BRD4: variants seen among roughly 807,000 people sequenced by gnomAD.
BRD4 encodes the protein bromodomain-containing protein 4.
In BRD4, 16 loss-of-function variants were observed where a neutral mutation model predicts 142.1. That is an observed-to-expected ratio of 0.11 (90% CI 0.08 to 0.17). BRD4 has a LOEUF of 0.17. BRD4 is among the 10% of genes least tolerant of loss of function. BRD4 has a pLI of 1.00. For synonymous variants in BRD4, 833 were observed against 707.5 expected, an observed-to-expected ratio of 1.18 and a Z score of -2.82; for missense variants, 1,424 against 1,810.9, an observed-to-expected ratio of 0.79 and a Z score of 3.88.
At chr19:15,247,708 C>T in intron 11 of BRD4, 1 of 233,144 alleles carries the variant, frequency 4.3e-6, no homozygotes, top group Non-Finnish European at 8.5e-6. Context: ...CATGAAGGCT[C>T]TCCTGCCTGC....
chr19:15,264,038 A>G, intron 6 of BRD4: 1 of 255,038 alleles, frequency 3.9e-6, no homozygotes, highest in African/African-American at 2.2e-5. Flanking sequence ...GGAGACAGCA[A>G]GGCCTTCTCC....
intron 6 of BRD4, 134 bp downstream of exon 6, chr19:15,264,270 A>G (rs2145598047): frequency 2.4e-6 from 3 of 1,266,478 alleles, no homozygotes; most frequent in Non-Finnish European, 2.2e-6. Flanking sequence ...AGTTTCTTCG[A>G]GTTGGCGGGA....
chr19:15,327,542 T>C (rs1032986673), intron 1 of BRD4, among the ~76,000 whole-genome samples: 5 of 151,828 alleles, frequency 3.3e-5, no homozygotes, highest in East Asian at 1.9e-4. Context: ...AGACTCCGTC[T>C]CGAAAAAGAA....
chr19:15,251,955 G>GA (rs1025509178), intron 11 of BRD4, among the ~76,000 whole-genome samples: 7 of 152,106 alleles, frequency 4.6e-5, no homozygotes, highest in Non-Finnish European at 7.4e-5. Context: ...CAGAGCCTGG[G>GA]AGCCTGGGAG....
chr19:15,301,798 T>C (rs779695225), intron 1 of BRD4, among the ~76,000 whole-genome samples: 1 of 148,284 alleles, frequency 6.7e-6, no homozygotes, highest in Non-Finnish European at 1.5e-5. Context: ...GAGGCAGAGG[T>C]TGCAGTAAGC....
chr19:15,244,620 C>G lies in BRD4; in HGVS notation c.2212-20G>C, dbSNP rs374889135. 11 of 1,613,460 alleles carry G rather than the reference C, an allele frequency of 6.8e-6. No homozygotes were observed. In the African/African-American group the frequency reaches 1.2e-4, roughly 18 times the overall value. On this transcript the variant is annotated intron_variant, in intron 12 of 19. Transcript: ENST00000679869. Reference sequence around the variant, plus strand: ...ATGGTGCTGCAGACAGAGAGACAGACAGACAGACAGGCTGATGTCAGGCAG... The same window carrying G: ...ATGGTGCTGCAGACAGAGAGACAGAGAGACAGACAGGCTGATGTCAGGCAG...
rs1239228198 is a variant in BRD4, at chr19:15,238,582, C to T, written c.4021-137G>A. 2 of 1,515,092 alleles carry T rather than the reference C, an allele frequency of 1.3e-6. No individual in the cohort carries two copies. Among genetic ancestry groups the T allele is most frequent in the South Asian group, 2.6e-5 (2 of 76,116 alleles). 93.9% of individuals were successfully genotyped at this position (1,515,092 alleles called of 1,614,324 possible). On this transcript the variant is annotated intron_variant, in intron 19 of 19. Transcript: ENST00000679869. This position sits in a 1 kb window ranked among gnomAD's most constrained non-coding sequence, Gnocchi z 7.2. ...CCTCATAGCGCTCACCCCGTCCACA[C>T]AGCACTCAGGGCCCTACAGCTGAGT...
intron 1 of BRD4, among the ~76,000 whole-genome samples, chr19:15,326,153 TA>T (rs755812111): frequency 0.041 from 4,101 of 100,904 alleles, 150 homozygotes; most frequent in African/African-American, 0.12. Context: ...AATGTAGCAT[TA>T]AAAAAAAAAA....
chr19:15,293,449 C>G (rs987593633), intron 1 of BRD4, among the ~76,000 whole-genome samples: 2 of 152,072 alleles, frequency 1.3e-5, no homozygotes, highest in Non-Finnish European at 2.9e-5. Flanking sequence ...GCTGGCAACT[C>G]GATAGCAGGA....
chr19:15,304,540 G>A (rs1425042268), intron 1 of BRD4, among the ~76,000 whole-genome samples: 1 of 152,230 alleles, frequency 6.6e-6, no homozygotes, highest in Non-Finnish European at 1.5e-5. Context: ...GCCAGGGGAT[G>A]TGCTGAGCAG....
chr19:15,255,639 A>G, intron 9 of BRD4, 47 bp from the exon 10 acceptor site: 1 of 1,547,620 alleles, frequency 6.5e-7, no homozygotes. Flanking sequence ...CCCCCTGAGG[A>G]AGCCAGGCAC....
intron 1 of BRD4, among the ~76,000 whole-genome samples, chr19:15,277,138 C>G (rs538426108): frequency 1.2e-3 from 186 of 152,286 alleles, no homozygotes; most frequent in Middle Eastern, 0.01. Context: ...AAGCAGGAGC[C>G]ACCATTCACC....
chr19:15,243,581 G>A, intron 13 of BRD4, 94 bp from the exon 14 acceptor site: 1 of 1,420,524 alleles, frequency 7.0e-7, no homozygotes, highest in Non-Finnish European at 9.2e-7. Context: ...GGACTCCAGT[G>A]CTCTCCTACT....
chr19:15,315,055 C>G (rs1436209229), intron 1 of BRD4, among the ~76,000 whole-genome samples: 2 of 152,048 alleles, frequency 1.3e-5, no homozygotes, highest in Non-Finnish European at 2.9e-5. Context: ...ATGCTGTAGT[C>G]ATCTATTCTA....
At chr19:15,304,005 GGATGAAA>G (rs1190211489) in intron 1 of BRD4, among the ~76,000 whole-genome samples, 1 of 152,160 alleles carries the variant, frequency 6.6e-6, no homozygotes, top group African/African-American at 2.4e-5. Context: ...CACCAAGGTA[GGATGAAA>G]GAGCTCAGGG....
chr19:15,240,190 G>A (rs377468872), intron 14 of BRD4, among the ~76,000 whole-genome samples, 168 bp from the exon 15 acceptor site: 28 of 152,228 alleles, frequency 1.8e-4, no homozygotes, highest in African/African-American at 6.8e-4. Context: ...ACCCACACAA[G>A]TGACTGGGCC....
chr19:15,291,124 G>A (rs2047779120), intron 1 of BRD4, among the ~76,000 whole-genome samples: 1 of 152,112 alleles, frequency 6.6e-6, no homozygotes, highest in Non-Finnish European at 1.5e-5. Flanking sequence ...TGTGTCTACT[G>A]GGCCTGCTCC....
chr19:15,278,943 G>T (rs762397002), intron 1 of BRD4, among the ~76,000 whole-genome samples: 16 of 152,126 alleles, frequency 1.1e-4, no homozygotes, highest in Admixed American at 2.6e-4. Context: ...CCAGGTTCCA[G>T]CAATTCTCCG....
chr19:15,308,237 G>A (rs1599512255), intron 1 of BRD4, among the ~76,000 whole-genome samples: 1 of 138,692 alleles, frequency 7.2e-6, no homozygotes, highest in African/African-American at 2.7e-5. Context: ...GTGGGGTCAT[G>A]CATGTGACTC....
Sources: gnomAD v4.1 joint callset for allele counts (sites outside exome capture counted in the v4.1 genomes callset) on GRCh38, gnomAD v4.1.1 for gene constraint, Gnocchi (gnomAD v3.1) non-coding constraint, MANE v1.5 for transcripts, NCBI Gene and HGNC (gene_info 2026-07-23, HGNC 2026-07-21) for gene names.